The following TMC6 variants were observed in gnomAD, a reference collection of about 807,000 sequenced individuals.
TMC6 encodes transmembrane channel like 6, also known as transmembrane channel-like protein 6.
Under a neutral mutation model 95.4 loss-of-function variants are expected in TMC6, and 71 were observed. The ratio of observed to expected loss-of-function variants is 0.74; its 90% CI spans 0.61 to 0.91. The LOEUF (loss-of-function observed/expected upper bound fraction) is 0.91, where lower values mean the gene tolerates loss of function less well. Ranked by LOEUF, TMC6 falls within the 40% of genes least tolerant of loss-of-function variation. The pLI, the probability that TMC6 is intolerant of heterozygous loss-of-function variation, is 0.00. For missense variants in TMC6, 1,074 were observed against 1,079.1 expected (o/e 1.00, Z 0.07); for synonymous variants, 514 against 483.1 (o/e 1.06, Z -0.84).
At chr17:78,119,838 A>G (rs1205661141) in intron 13 of TMC6, 1 of 362,384 alleles carries the variant, frequency 2.8e-6, no homozygotes, top group South Asian at 2.2e-5. Context: ...TTTAGAGACA[A>G]GGTCTCACTC....
chr17:78,114,872 C>T (rs2073978741), intron 18 of TMC6, among the ~76,000 whole-genome samples: 1 of 151,980 alleles, frequency 6.6e-6, no homozygotes, highest in African/African-American at 2.4e-5. Context: ...ACACCACAGC[C>T]AGCATCCGCC....
At position 78,121,482 on chromosome 17, in the gene TMC6, TC is replaced by T; in HGVS notation, c.1383+73del. 6.2e-7 allele frequency: 1 copy of T among 1,602,784 alleles called. No homozygotes were observed. The highest frequency in any genetic ancestry group is 1.1e-5 in the South Asian group (1 of 89,818). ...GTGGAGGAGGAGAGGCAAGGCTGCC[TC>T]CCCAGGGGGCAGGTGCCCAGAGTCA... On this transcript the variant is annotated intron_variant, in intron 11 of 19. Transcript: ENST00000590602. The surrounding 1 kb of genome is among the most constrained non-coding windows in gnomAD (Gnocchi z 5.6).
chr17:78,119,956 A>AT (rs1477252526), intron 13 of TMC6: 5 of 349,356 alleles, frequency 1.4e-5, no homozygotes, highest in East Asian at 9.3e-5. Flanking sequence ...CCTCCTACTG[A>AT]TTTTTTTAAT....
In TMC6 at chr17:78,113,543, C is replaced by G. The variant is rs1167388060; in HGVS notation, c.2354+5G>C. 2 of 1,613,814 alleles carry G rather than the reference C, an allele frequency of 1.2e-6. No homozygotes were observed. The highest frequency in any genetic ancestry group is 1.7e-5 in the Admixed American group (1 of 59,984). ...AGTGTCCCCAATCCCTCCACGGACC[C>G]TCACCTGCTCCTCTCCTCCCTCTCC... On this transcript the variant is annotated splice_donor_5th_base_variant and intron_variant, in intron 19 of 19. Transcript: ENST00000590602.
At position 78,126,517 on chromosome 17, in the gene TMC6, A is replaced by T; in HGVS notation, c.181+7T>A. 6.2e-7 allele frequency: 1 copy of T among 1,613,118 alleles called. No individual in the cohort carries two copies. The highest frequency in any genetic ancestry group is 8.5e-7 in the Non-Finnish European group (1 of 1,179,954). On this transcript the variant is annotated splice_region_variant and intron_variant, in intron 3 of 19. Coordinates refer to ENST00000590602, the MANE Select transcript of TMC6 (RefSeq NM_001127198.5). ...CCACACCACCCAGCATCCAGGCCTG[A>T]GCTCACCTGTCACCTCCCGCTCTCT...
At chr17:78,120,864 C>T (rs762812716) in intron 12 of TMC6, 32 bp from the exon 13 acceptor site, 43 of 1,609,786 alleles carry the variant, frequency 2.7e-5, no homozygotes, top group Middle Eastern at 1.6e-4. Context: ...GGCTGAGGGG[C>T]GGGTACAGGG....
Position 78,125,820 on chromosome 17 carries a change from G to A in TMC6, c.336C>T (p.Ser112=). 6.4e-7 allele frequency: 1 copy of A among 1,556,066 alleles called. No individual in the cohort carries two copies. Among genetic ancestry groups the A allele is most frequent in the Non-Finnish European group, 8.7e-7 (1 of 1,149,980 alleles). The change falls in exon 5 of 20, where the codon AGC becomes AGT. Residue 112 remains serine, a synonymous_variant. Transcript: ENST00000590602. ...YNRTVQLRCR[S]SRPLLGNFVR... is the part of the protein sequence containing the mutation. ...CAAAGTTCCCGAGCAGGGGCCGGCT[G>A]CTCCTGCACCGAAGCTGCACCGTGC...
Position 78,128,201 on chromosome 17 carries a change from G to C in TMC6, c.-75+411C>G, listed in dbSNP as rs2074833167. On this transcript the variant is annotated intron_variant, in intron 1 of 19. Transcript: ENST00000590602. The surrounding 1 kb of genome is among the most constrained non-coding windows in gnomAD (Gnocchi z 4.0). Reference sequence around the variant, plus strand: ...GAACCCCCACCCCAGCCGGCAGCGAGCTTCCCGGGAGCAGCCGCTACCCAG... The same window carrying C: ...GAACCCCCACCCCAGCCGGCAGCGACCTTCCCGGGAGCAGCCGCTACCCAG... Among the ~76,000 whole-genome samples the C allele has an allele frequency of 1.3e-5, 2 of 152,094 alleles. No homozygotes were observed. The highest frequency in any genetic ancestry group is 2.9e-5 in the Non-Finnish European group (2 of 68,010).
chr17:78,117,352 G>C lies in TMC6; in HGVS notation c.2199-5C>G, dbSNP rs370571978. On this transcript the variant is annotated splice_polypyrimidine_tract_variant and splice_region_variant and intron_variant, in intron 17 of 19. Coordinates refer to ENST00000590602, the MANE Select transcript of TMC6 (RefSeq NM_001127198.5). ...ATGTTGAGGTAGATCACGGCCCTGC[G>C]GGAGAGGGGCTGTCGGGCAGGGCCC... The C allele has an allele frequency of 3.1e-6, 5 of 1,613,154 alleles. No individual in the cohort carries two copies. The African/African-American group carries it at 5.3e-5, about 17-fold the overall frequency.
intron 5 of TMC6, 46 bp downstream of exon 5, chr17:78,125,680 C>T: frequency 6.5e-7 from 1 of 1,549,136 alleles, no homozygotes; most frequent in Non-Finnish European, 8.7e-7. Flanking sequence ...TGCACCCCAC[C>T]CCAGGCCGGT....
chr17:78,109,563 C>G lies in TMC6; in HGVS notation c.*3585G>C, dbSNP rs939380253. ...GGAGGATCACCTGAGCCCAGGAGGT[C>G]GAGGCTGCAGTGAGCTGTGATCGTG... On this transcript the variant is annotated 3_prime_UTR_variant, in exon 20 of 20. Coordinates refer to ENST00000590602, the MANE Select transcript of TMC6 (RefSeq NM_001127198.5). 2.2e-6 allele frequency: 1 copy of G among 456,136 alleles called. No homozygotes were observed. The highest frequency in any genetic ancestry group is 3.3e-4 in the Middle Eastern group (1 of 3,076). 28.3% of individuals were successfully genotyped at this position (456,136 alleles called of 1,614,324 possible).
At position 78,110,014 on chromosome 17, in the gene TMC6, C is replaced by G. The variant is rs1487618746; in HGVS notation, c.*3134G>C. 1 of 158,824 alleles carries G rather than the reference C, an allele frequency of 6.3e-6. No individual in the cohort carries two copies. The highest frequency in any genetic ancestry group is 1.9e-4 in the East Asian group (1 of 5,370). The allele number at this position is 158,824 out of a possible 1,614,324, so 9.8% of individuals were successfully genotyped here. ...CCAGTAGGCGGAGGTTGCGGTGAGC[C>G]AAGATCGTCCCGTTGCACTCCAGCC... On this transcript the variant is annotated 3_prime_UTR_variant, in exon 20 of 20. Coordinates refer to ENST00000590602, the MANE Select transcript of TMC6 (RefSeq NM_001127198.5).
upstream of TMC6, chr17:78,132,288 G>C: frequency 6.3e-7 from 1 of 1,578,098 alleles, no homozygotes; most frequent in Non-Finnish European, 8.7e-7. Context: ...CGGTGGGCCC[G>C]CCCTTGGACT....
Position 78,117,527 on chromosome 17 carries a change from C to A in TMC6, c.2139G>T (p.Trp713Cys). ...TGTTTTCCATCAGGTACCGGTGCAC[C>A]CAGGGCAGCCAGGAGACCCTGGGGC... ...AAGPRVSWLP[W>C]VHRYLMENTF... The change falls in exon 17 of 20, where the codon TGG becomes TGT. Residue 713 changes from tryptophan (W) to cysteine (C), a missense_variant. By Grantham distance (215) the Trp-to-Cys change is radical (BLOSUM62 -2). Transcript: ENST00000590602. 1 of 1,603,496 alleles carries A rather than the reference C, an allele frequency of 6.2e-7. No homozygotes were observed. The highest frequency in any genetic ancestry group is 1.1e-5 in the South Asian group (1 of 89,910).
chr17:78,113,120 CG>C lies in TMC6; in HGVS notation c.*27del. On this transcript the variant is annotated 3_prime_UTR_variant, in exon 20 of 20. Coordinates refer to ENST00000590602, the MANE Select transcript of TMC6 (RefSeq NM_001127198.5). ...AACAGTGTGGTCTCAGGGTGCTGGG[CG>C]GGCCCGTGAGGCCCATCGCCGTCCC... is the stretch of plus-strand genomic sequence containing the variant. The C allele has an allele frequency of 6.5e-7, 1 of 1,549,670 alleles. No individual in the cohort carries two copies. The highest frequency in any genetic ancestry group is 8.7e-7 in the Non-Finnish European group (1 of 1,146,096).
At chr17:78,124,804 C>T (rs1391454519) in intron 7 of TMC6, 23 bp from the exon 8 acceptor site, 5 of 1,578,964 alleles carry the variant, frequency 3.2e-6, no homozygotes, top group South Asian at 2.3e-5. Flanking sequence ...GCAGAGAGGC[C>T]CTGAGGGTGA....
Position 78,120,820 on chromosome 17 carries a change from G to A in TMC6, c.1548C>T (p.Leu516=), listed in dbSNP as rs1477035174. Residue 516 remains leucine (L), a synonymous_variant, in exon 13 of 20, where the codon CTC becomes CTT. Transcript: ENST00000590602. ...ACAGTGTCCCCAGGATGGCCAGCTT[G>A]AGGATGAGGTTCCTGCGGAGGGCGG... ...VYVAICRNLI[L]KLAILGTLCY... 6.2e-7 allele frequency: 1 copy of A among 1,612,608 alleles called. No individual in the cohort carries two copies. Among genetic ancestry groups the A allele is most frequent in the Non-Finnish European group, 8.5e-7 (1 of 1,179,146 alleles).
chr17:78,117,547 T>G lies in TMC6; in HGVS notation c.2119A>C (p.Arg707=), dbSNP rs745321172. Reference sequence around the variant, plus strand: ...TGCACCCAGGGCAGCCAGGAGACCCTGGGGCCTGCCGCCTCCAGGTGGCGC... The same window carrying G: ...TGCACCCAGGGCAGCCAGGAGACCCGGGGGCCTGCCGCCTCCAGGTGGCGC... ...WVRHLEAAGP[R]VSWLPWVHRY... The change falls in exon 17 of 20, where the codon AGG becomes CGG. Residue 707 remains arginine, a synonymous_variant. Coordinates refer to ENST00000590602, the MANE Select transcript of TMC6 (RefSeq NM_001127198.5). 4.4e-6 allele frequency: 7 copies of G among 1,599,806 alleles called. No homozygotes were observed. The highest frequency in any genetic ancestry group is 6.0e-6 in the Non-Finnish European group (7 of 1,174,894).
intron 16 of TMC6, 62 bp from the exon 17 acceptor site, chr17:78,117,706 G>A: frequency 6.4e-7 from 1 of 1,556,704 alleles, no homozygotes; most frequent in Non-Finnish European, 8.7e-7. Context: ...CTCCCTCCCA[G>A]CCCGTCCTCT....
Sources: gnomAD v4.1 joint callset for allele counts (sites outside exome capture counted in the v4.1 genomes callset) on GRCh38, gnomAD v4.1.1 for gene constraint, Gnocchi (gnomAD v3.1) non-coding constraint, MANE v1.5 for transcripts, NCBI Gene and HGNC (gene_info 2026-07-23, HGNC 2026-07-21) for gene names.